The following DDC variants were observed in gnomAD, a reference collection of about 807,000 sequenced individuals.
DDC encodes the protein aromatic-L-amino-acid decarboxylase.
DDC carries 43 observed loss-of-function variants against 60.0 expected under a neutral mutation model. That is an observed-to-expected ratio of 0.72 (90% CI 0.56 to 0.92). The LOEUF (loss-of-function observed/expected upper bound fraction) is 0.92. Ranked by LOEUF, DDC falls within the 40% of genes least tolerant of loss-of-function variation. DDC has a pLI of 0.00. For synonymous variants in DDC, 232 were observed against 234.6 expected, an observed-to-expected ratio of 0.99 and a Z score of 0.10; for missense variants, 573 against 620.2, an observed-to-expected ratio of 0.92 and a Z score of 0.81.
At chr7:50,505,117 C>T (rs1585198055) in intron 6 of DDC, among the ~76,000 whole-genome samples, 1 of 152,334 alleles carries the variant, frequency 6.6e-6, no homozygotes, top group South Asian at 2.1e-4. Context: ...GTGCCACGAT[C>T]GCACTGGCAC....
intron 12 of DDC, 112 bp from the exon 13 acceptor site, chr7:50,467,427 G>A: frequency 2.2e-6 from 2 of 890,666 alleles, no homozygotes; most frequent in South Asian, 2.7e-5. Flanking sequence ...GACGCTCTTG[G>A]CAATTTTCCT....
At chr7:50,477,263 G>A (rs3887826) in intron 10 of DDC, among the ~76,000 whole-genome samples, 57,685 of 152,038 alleles carry the variant, frequency 0.38, 11,392 homozygotes, top group Non-Finnish European at 0.44. Flanking sequence ...GACAATAAAG[G>A]AGAAGGAACC....
intron 2 of DDC, among the ~76,000 whole-genome samples, chr7:50,540,805 G>A (rs1318312433): frequency 6.6e-6 from 1 of 152,242 alleles, no homozygotes; most frequent in African/African-American, 2.4e-5. Context: ...GGTAGTGACA[G>A]CTCCAGGTGG....
chr7:50,553,073 C>T (rs905490872), intron 1 of DDC, among the ~76,000 whole-genome samples: 17 of 152,220 alleles, frequency 1.1e-4, no homozygotes, highest in African/African-American at 4.1e-4. Flanking sequence ...AGCCCAGGCC[C>T]CTAGCACCAT....
intron 4 of DDC, among the ~76,000 whole-genome samples, chr7:50,529,687 G>T (rs11575332): frequency 0.013 from 1,919 of 152,282 alleles, 49 homozygotes; most frequent in African/African-American, 0.044. Context: ...GAGGAGAACG[G>T]CCCAGGGCAC....
chr7:50,468,605 C>T (rs1477176699), intron 12 of DDC, among the ~76,000 whole-genome samples: 2 of 152,142 alleles, frequency 1.3e-5, no homozygotes, highest in African/African-American at 4.8e-5. Context: ...ATGGCACATC[C>T]TAGGCATTCT....
In DDC at chr7:50,491,182, A is replaced by T. The variant is rs952721466; in HGVS notation, c.944+4168T>A. Among the ~76,000 whole-genome samples the T allele has an allele frequency of 1.2e-4, 19 of 152,212 alleles. 1 individual carries two copies. The highest frequency in any genetic ancestry group is 9.2e-4 in the Admixed American group (14 of 15,282). ...CTGTAAACTGAAGCTAGACAACGTC[A>T]ACTTTGGAAGAAAATAACAGGAACC... On this transcript the variant is annotated intron_variant, in intron 9 of 14. Transcript: ENST00000444124.
intron 9 of DDC, among the ~76,000 whole-genome samples, chr7:50,483,812 G>A (rs555408336): frequency 1.3e-5 from 2 of 151,914 alleles, no homozygotes; most frequent in South Asian, 4.2e-4. Context: ...GCTGAGGCAG[G>A]AGAATGGTGT....
At chr7:50,461,508 T>C (rs770513593) in intron 14 of DDC, among the ~76,000 whole-genome samples, 2 of 152,230 alleles carry the variant, frequency 1.3e-5, no homozygotes, top group Admixed American at 6.5e-5. Flanking sequence ...CCAGAGGAAC[T>C]GAGACTCCTA....
chr7:50,530,822 A>G (rs933844845), intron 4 of DDC, among the ~76,000 whole-genome samples: 1 of 152,236 alleles, frequency 6.6e-6, no homozygotes, highest in African/African-American at 2.4e-5. Context: ...AGTTTATAAC[A>G]TGATAGGTTT....
At chr7:50,540,829 AG>A (rs2044606531) in intron 2 of DDC, among the ~76,000 whole-genome samples, 1 of 152,170 alleles carries the variant, frequency 6.6e-6, no homozygotes, top group East Asian at 1.9e-4. Context: ...ACTTGGGGAC[AG>A]GGGGTTTCAG....
intron 9 of DDC, among the ~76,000 whole-genome samples, chr7:50,480,780 G>T (rs1291064986): frequency 6.6e-6 from 1 of 152,200 alleles, no homozygotes; most frequent in African/African-American, 2.4e-5. Context: ...ATCAGTAAGT[G>T]TGTGTGGGGT....
At chr7:50,518,087 T>C (rs1001256215) in intron 6 of DDC, among the ~76,000 whole-genome samples, 2 of 151,892 alleles carry the variant, frequency 1.3e-5, no homozygotes, top group African/African-American at 4.8e-5. Context: ...GGCAAGTGCC[T>C]GTAGTCCCAG....
chr7:50,503,946 G>T (rs143542548), intron 7 of DDC, 47 bp downstream of exon 7: 3 of 1,342,900 alleles, frequency 2.2e-6, no homozygotes, highest in Middle Eastern at 1.8e-4. Context: ...TAAATTCCCC[G>T]TGTACAGAGA....
intron 13 of DDC, among the ~76,000 whole-genome samples, chr7:50,466,477 A>G (rs941653276): frequency 1.5e-5 from 2 of 137,886 alleles, no homozygotes; most frequent in Non-Finnish European, 3.1e-5. Context: ...AGAGTGGGAG[A>G]CTCTGTCTCC....
chr7:50,500,367 A>G (rs1365305755), intron 7 of DDC, among the ~76,000 whole-genome samples: 1 of 152,168 alleles, frequency 6.6e-6, no homozygotes, highest in Non-Finnish European at 1.5e-5. Flanking sequence ...CTCCAATACC[A>G]TCACCTTAGG....
At chr7:50,480,101 C>T (rs2042733588) in intron 9 of DDC, 1 of 556,728 alleles carries the variant, frequency 1.8e-6, no homozygotes, top group Non-Finnish European at 3.2e-6. Flanking sequence ...CCCTTGAGAT[C>T]TCCTAGTGAT....
chr7:50,535,656 G>T (rs893708757), intron 4 of DDC, among the ~76,000 whole-genome samples: 5 of 152,074 alleles, frequency 3.3e-5, no homozygotes, highest in African/African-American at 1.2e-4. Flanking sequence ...ACATTTTTTG[G>T]CCCAGAGTCT....
intron 4 of DDC, among the ~76,000 whole-genome samples, chr7:50,536,941 T>C (rs1243773048): frequency 6.6e-6 from 1 of 151,850 alleles, no homozygotes; most frequent in Non-Finnish European, 1.5e-5. Context: ...AAGTTAACAA[T>C]GCTTTCCTAA....
Sources: gnomAD v4.1 joint callset for allele counts (sites outside exome capture counted in the v4.1 genomes callset) on GRCh38, gnomAD v4.1.1 for gene constraint, MANE v1.5 for transcripts, NCBI Gene and HGNC (gene_info 2026-07-23, HGNC 2026-07-21) for gene names.